The following TAFA2 variants were observed in gnomAD, a reference collection of about 807,000 sequenced individuals.
TAFA2 encodes chemokine-like protein TAFA-2.
TAFA2 carries 7 observed loss-of-function variants against 18.8 expected under a neutral mutation model. That is an observed-to-expected ratio of 0.37 (90% CI 0.21 to 0.70). TAFA2 has a LOEUF of 0.70. Among genes scored for constraint, TAFA2 ranks in the 30% least tolerant of loss-of-function variants. The pLI is 0.53. For missense variants in TAFA2, 122 were observed against 158.1 expected (o/e 0.77, Z 1.23); for synonymous variants, 60 against 54.2 (o/e 1.11, Z -0.47).
chr12:62,250,300 T>C (rs1269517859), intron 1 of TAFA2, among the ~76,000 whole-genome samples: 3 of 152,234 alleles, frequency 2.0e-5, no homozygotes, highest in Non-Finnish European at 4.4e-5. Flanking sequence ...ATAAGTTTTC[T>C]ATCCAATGCT....
chr12:61,857,336 TA>T (rs1214711998), intron 2 of TAFA2, among the ~76,000 whole-genome samples: 1 of 152,164 alleles, frequency 6.6e-6, no homozygotes. Context: ...AATAAGACAC[TA>T]TGTCTAGACC....
intron 2 of TAFA2, among the ~76,000 whole-genome samples, chr12:61,782,670 G>A (rs915325855): frequency 2.0e-5 from 3 of 151,622 alleles, no homozygotes; most frequent in African/African-American, 4.8e-5. Flanking sequence ...TACAGAGTTT[G>A]ACTCTTTTCA....
chr12:61,729,922 G>A (rs987585159), intron 4 of TAFA2, among the ~76,000 whole-genome samples: 3 of 152,010 alleles, frequency 2.0e-5, no homozygotes, highest in Non-Finnish European at 4.4e-5. Context: ...GTGATCCCTC[G>A]ATGTGGCACT....
chr12:62,197,965 C>T (rs905479627), intron 1 of TAFA2, among the ~76,000 whole-genome samples: 10 of 152,078 alleles, frequency 6.6e-5, no homozygotes, highest in African/African-American at 2.4e-4. Flanking sequence ...TGGGTTACTA[C>T]CTAGAAATGA....
In TAFA2 at chr12:62,133,174, T is replaced by C. The variant is rs140946151; in HGVS notation, c.-2+58085A>G. ...AAAATTCCATGTGCATCTTCCATAATTTTCCATGCACACACATTCCCAAAT... is the reference window on the plus strand; with the variant it reads ...AAAATTCCATGTGCATCTTCCATAACTTTCCATGCACACACATTCCCAAAT... On this transcript the variant is annotated intron_variant, in intron 1 of 4. Coordinates refer to ENST00000416284, the MANE Select transcript of TAFA2 (RefSeq NM_178539.5). Among the ~76,000 whole-genome samples, 463 of 152,090 alleles carry C rather than the reference T, an allele frequency of 3.0e-3. 4 individuals carry two copies. The highest frequency in any genetic ancestry group is 0.01 in the African/African-American group (418 of 41,512).
At chr12:62,014,913 G>A (rs1008418087) in intron 1 of TAFA2, among the ~76,000 whole-genome samples, 1 of 151,940 alleles carries the variant, frequency 6.6e-6, no homozygotes, top group Non-Finnish European at 1.5e-5. Context: ...CAAAAAAAAA[G>A]CCATCCATTT....
At position 61,941,746 on chromosome 12, in the gene TAFA2, G is replaced by A. The variant is rs537423154; in HGVS notation, c.-1-74320C>T. Among the ~76,000 whole-genome samples, 6 of 152,312 alleles carry A rather than the reference G, an allele frequency of 3.9e-5. No individual in the cohort carries two copies. In the South Asian group the frequency reaches 8.3e-4, roughly 21 times the overall value. ...ACCCGAATATTGCGCTTTTCAGACC[G>A]GCTTAAAAAACGGCACACCACGAGA... On this transcript the variant is annotated intron_variant, in intron 1 of 4. Transcript: ENST00000416284.
At chr12:62,093,115 G>C (rs545109077) in intron 1 of TAFA2, among the ~76,000 whole-genome samples, 182 of 152,012 alleles carry the variant, frequency 1.2e-3, no homozygotes, top group African/African-American at 3.9e-3. Context: ...CTATTACAGA[G>C]AACTTGGCTG....
chr12:62,179,054 A>G (rs936337405), intron 1 of TAFA2, among the ~76,000 whole-genome samples: 3 of 152,226 alleles, frequency 2.0e-5, no homozygotes, highest in Non-Finnish European at 4.4e-5. Context: ...AATCACTTGC[A>G]TACAAATGTT....
chr12:61,926,882 C>A (rs1357879308), intron 1 of TAFA2, among the ~76,000 whole-genome samples: 2 of 151,720 alleles, frequency 1.3e-5, no homozygotes, highest in Admixed American at 6.6e-5. Flanking sequence ...ACCATCCTGG[C>A]AAACATGGTG....
intron 2 of TAFA2, among the ~76,000 whole-genome samples, chr12:61,788,929 T>C (rs2120918603): frequency 6.6e-6 from 1 of 151,994 alleles, no homozygotes; most frequent in East Asian, 1.9e-4. Flanking sequence ...AAGCCATATG[T>C]TTATTGGCCA....
In TAFA2 at chr12:62,167,033, T is replaced by C. The variant is rs1349792224; in HGVS notation, c.-2+24226A>G. Reference sequence around the variant, plus strand: ...AAAATGACTTAGCGATGTTTCCATATGCCACAATGGAATGATCTCCGAAAA... The same window carrying C: ...AAAATGACTTAGCGATGTTTCCATACGCCACAATGGAATGATCTCCGAAAA... On this transcript the variant is annotated intron_variant, in intron 1 of 4. Coordinates refer to ENST00000416284, the MANE Select transcript of TAFA2 (RefSeq NM_178539.5). Among the ~76,000 whole-genome samples, 6 of 152,218 alleles carry C rather than the reference T, an allele frequency of 3.9e-5. No homozygotes were observed. The East Asian group carries it at 5.8e-4, about 15-fold the overall frequency.
At chr12:61,775,313 C>A (rs2120859955) in intron 2 of TAFA2, among the ~76,000 whole-genome samples, 1 of 151,788 alleles carries the variant, frequency 6.6e-6, no homozygotes, top group South Asian at 2.1e-4. Context: ...TGGTACTTAC[C>A]CAAAGGGGTT....
At chr12:62,254,143 T>C (rs1277866904) in intron 1 of TAFA2, among the ~76,000 whole-genome samples, 1 of 152,204 alleles carries the variant, frequency 6.6e-6, no homozygotes, top group East Asian at 1.9e-4. Flanking sequence ...CATAACAACT[T>C]TGTGATCTTA....
intron 1 of TAFA2, among the ~76,000 whole-genome samples, chr12:62,120,630 T>C (rs1319665679): frequency 3.3e-5 from 5 of 152,112 alleles, no homozygotes; most frequent in African/African-American, 1.2e-4. Context: ...CTCAGTTACT[T>C]GGCTTTAGGT....
chr12:62,199,399 C>T (rs1426719751), intron 1 of TAFA2, among the ~76,000 whole-genome samples: 1 of 152,066 alleles, frequency 6.6e-6, no homozygotes, highest in African/African-American at 2.4e-5. Context: ...GTGTTGTTTC[C>T]CTCCCTGTGT....
rs1015939732 is a variant in TAFA2 at position 61,809,647 on chromosome 12, AT to A, written c.107-54624del. 3.3e-5 allele frequency among the ~76,000 whole-genome samples: 5 copies of A among 151,336 alleles called. 1 individual carries two copies. The highest frequency in any genetic ancestry group is 1.2e-4 in the African/African-American group (5 of 40,672). ...ATTTAAAAAAAAGCATTACCCCTACATTTTGACTAATGATACTACTGGGTTT... is the reference window on the plus strand; with the variant it reads ...ATTTAAAAAAAAGCATTACCCCTACATTTGACTAATGATACTACTGGGTTT... On this transcript the variant is annotated intron_variant, in intron 2 of 4. Coordinates refer to ENST00000416284, the MANE Select transcript of TAFA2 (RefSeq NM_178539.5).
chr12:62,072,468 C>A (rs1882656562), intron 1 of TAFA2, among the ~76,000 whole-genome samples: 2 of 148,944 alleles, frequency 1.3e-5, no homozygotes, highest in Non-Finnish European at 1.5e-5. Context: ...GACTCCATCT[C>A]AAAAAATAAT....
rs149624050 is a variant in TAFA2 at position 61,847,124 on chromosome 12, T to C, written c.106+20196A>G. Among the ~76,000 whole-genome samples the C allele has an allele frequency of 2.6e-5, 4 of 152,336 alleles. No homozygotes were observed. The East Asian group carries it at 7.7e-4, about 29-fold the overall frequency. On this transcript the variant is annotated intron_variant, in intron 2 of 4. Transcript: ENST00000416284. ...TGACACATATTTACTCACTTCCTAGTAATTTTACTTTTTTGTTCAACGTTA... is the reference window on the plus strand; with the variant it reads ...TGACACATATTTACTCACTTCCTAGCAATTTTACTTTTTTGTTCAACGTTA...
Sources: gnomAD v4.1 joint callset for allele counts (sites outside exome capture counted in the v4.1 genomes callset) on GRCh38, gnomAD v4.1.1 for gene constraint, MANE v1.5 for transcripts, NCBI Gene and HGNC (gene_info 2026-07-23, HGNC 2026-07-21) for gene names.